The following GLI3 variants were observed in gnomAD, a reference collection of about 807,000 sequenced individuals.
GLI3 encodes the protein transcription activator GLI3.
GLI3 carries 20 observed loss-of-function variants against 100.8 expected under a neutral mutation model. The ratio of observed to expected loss-of-function variants is 0.20; its 90% confidence interval spans 0.14 to 0.29. GLI3 has a LOEUF of 0.29. Ranked by LOEUF, GLI3 falls within the 10% of genes least tolerant of loss-of-function variation. The pLI, the probability that GLI3 is intolerant of heterozygous loss-of-function variation, is 1.00. For synonymous variants in GLI3, 938 were observed against 860.5 expected (o/e 1.09, Z -1.58); for missense variants, 2,040 against 2,128.5 (o/e 0.96, Z 0.82).
chr7:41,972,439 T>A lies in GLI3; in HGVS notation c.2001A>T (p.Arg667=), dbSNP rs1271415259. 18 of 1,613,536 alleles carry A rather than the reference T, an allele frequency of 1.1e-5. No homozygotes were observed. The highest frequency in any genetic ancestry group is 1.5e-5 in the Non-Finnish European group (18 of 1,179,972). Residue 667 remains arginine, a synonymous_variant, in exon 13 of 15, where the codon CGA becomes CGT. Coordinates refer to ENST00000395925, the MANE Select transcript of GLI3 (RefSeq NM_000168.6). The surrounding 1 kb of genome is among the most constrained non-coding windows in gnomAD (Gnocchi z 4.4). ...GCTCACCAAGGGCTCCCTGAGTCGG[T>A]CGGCCAGGCGACCTGGACTGTGAAT... ...GSHSQSRSPG[R]PTQGALGEQQ... is the part of the protein sequence containing the mutation.
intron 3 of GLI3, chr7:42,113,522 G>A: frequency 8.7e-7 from 1 of 1,153,672 alleles, no homozygotes; most frequent in Non-Finnish European, 1.3e-6. Context: ...AGGGAAAAAG[G>A]GAAAAGCTGA....
intron 10 of GLI3, among the ~76,000 whole-genome samples, chr7:42,018,320 G>C (rs903948968): frequency 3.9e-5 from 6 of 152,246 alleles, no homozygotes; most frequent in African/African-American, 7.2e-5. Context: ...GGGAAAATAA[G>C]ATCAAAATCT....
upstream of GLI3, among the ~76,000 whole-genome samples, chr7:42,237,382 C>G (rs1788831220): frequency 6.6e-6 from 1 of 152,146 alleles, no homozygotes; most frequent in Non-Finnish European, 1.5e-5. Context: ...AACCCCCAGC[C>G]GTACGCCTCT....
intron 4 of GLI3, among the ~76,000 whole-genome samples, chr7:42,067,040 T>TA (rs1056023332): frequency 2.0e-5 from 3 of 152,074 alleles, no homozygotes; most frequent in African/African-American, 4.8e-5. Context: ...TGAAGATATA[T>TA]AAAAAAACAT....
At chr7:42,002,520 G>C (rs1401383787) in intron 10 of GLI3, among the ~76,000 whole-genome samples, 1 of 152,086 alleles carries the variant, frequency 6.6e-6, no homozygotes, top group Non-Finnish European at 1.5e-5. Flanking sequence ...GAAACAAGTA[G>C]AGACAAAATG....
At chr7:42,262,225 TTTCC>T (rs71006469) in intron 1 of GLI3, among the ~76,000 whole-genome samples, 4 of 118,700 alleles carry the variant, frequency 3.4e-5, no homozygotes, top group East Asian at 2.5e-4. Context: ...TCCTTCCTTC[TTTCC>T]TTCCTTCCTT....
At chr7:42,045,247 C>T in intron 6 of GLI3, 137 bp downstream of exon 6, 1 of 873,370 alleles carries the variant, frequency 1.1e-6, no homozygotes, top group Admixed American at 1.7e-5. Context: ...GGAACCAGAG[C>T]ACCAGATAGT....
At chr7:42,246,087 A>C (rs6463095) in intron 1 of GLI3, among the ~76,000 whole-genome samples, 1 of 151,884 alleles carries the variant, frequency 6.6e-6, no homozygotes. Flanking sequence ...AACTCTGAAA[A>C]ACCACTGTGC....
chr7:42,134,338 G>A (rs533946777), intron 3 of GLI3, among the ~76,000 whole-genome samples: 1 of 152,228 alleles, frequency 6.6e-6, no homozygotes, highest in African/African-American at 2.4e-5. Context: ...AACATCTAGC[G>A]TTAACGACCA....
upstream of GLI3, among the ~76,000 whole-genome samples, chr7:42,237,569 C>G (rs977124276): frequency 1.3e-5 from 2 of 151,808 alleles, no homozygotes; most frequent in Non-Finnish European, 2.9e-5. Context: ...CTCTCCTCCT[C>G]TTCCTCCTCC....
chr7:42,084,597 A>G (rs1468564583), intron 3 of GLI3, among the ~76,000 whole-genome samples: 1 of 152,230 alleles, frequency 6.6e-6, no homozygotes, highest in Non-Finnish European at 1.5e-5. Context: ...TGCCAGGATA[A>G]GAGAGAAGAA....
intron 1 of GLI3, among the ~76,000 whole-genome samples, chr7:42,224,554 C>T (rs1788548429): frequency 6.6e-6 from 1 of 152,154 alleles, no homozygotes; most frequent in Non-Finnish European, 1.5e-5. Flanking sequence ...TGAGATTATC[C>T]AGTGTCATTC....
chr7:42,213,899 G>T (rs916559526), intron 2 of GLI3, among the ~76,000 whole-genome samples: 1 of 152,222 alleles, frequency 6.6e-6, no homozygotes, highest in African/African-American at 2.4e-5. Flanking sequence ...GCACCCAAAC[G>T]GCTTTCAGCC....
In GLI3 at chr7:41,965,451, C is replaced by T. The variant is rs369440387; in HGVS notation, c.3622G>A (p.Gly1208Arg). ...VVHPQNPLRSGPAGGYQTLGE... is the reference protein window; with the variant it reads ...VVHPQNPLRSRPAGGYQTLGE... ...AGGGTCTGATAGCCCCCAGCAGGCC[C>T]GCTCCTCAAGGGGTTCTGCGGGTGG... is the stretch of plus-strand genomic sequence containing the variant. Residue 1208 changes from glycine (G) to arginine (R), a missense_variant, in exon 15 of 15, where the codon GGG (glycine) becomes AGG (arginine). By Grantham distance (125) the Gly-to-Arg change is moderately radical. Transcript: ENST00000395925. 1.8e-5 allele frequency: 29 copies of T among 1,607,922 alleles called. No homozygotes were observed. Among genetic ancestry groups the T allele is most frequent in the Middle Eastern group, 1.6e-4 (1 of 6,072 alleles).
At chr7:42,070,051 C>G (rs74392341) in intron 4 of GLI3, among the ~76,000 whole-genome samples, 1 of 152,122 alleles carries the variant, frequency 6.6e-6, no homozygotes, top group Non-Finnish European at 1.5e-5. Flanking sequence ...TTGGGTTTAC[C>G]GCTATAATCA....
chr7:42,017,901 TG>T (rs1217605606), intron 10 of GLI3, among the ~76,000 whole-genome samples: 4 of 152,240 alleles, frequency 2.6e-5, no homozygotes, highest in Non-Finnish European at 5.9e-5. Flanking sequence ...CTACTGCATG[TG>T]ATCTGTGCTT....
chr7:42,110,847 T>C (rs1256708232), intron 3 of GLI3, among the ~76,000 whole-genome samples: 1 of 152,206 alleles, frequency 6.6e-6, no homozygotes, highest in African/African-American at 2.4e-5. Flanking sequence ...TCAGTGATTG[T>C]CTGCCCCAAG....
chr7:42,084,376 G>A (rs539767740), intron 3 of GLI3, among the ~76,000 whole-genome samples: 235 of 152,238 alleles, frequency 1.5e-3, no homozygotes, highest in African/African-American at 5.3e-3. Flanking sequence ...AACTGATCTC[G>A]CCCCTTTCTG....
intron 3 of GLI3, among the ~76,000 whole-genome samples, chr7:42,094,874 G>A (rs952441037): frequency 3.9e-5 from 6 of 152,208 alleles, no homozygotes; most frequent in Admixed American, 3.3e-4. Flanking sequence ...GAAGCACGTG[G>A]ACTGAGGAGT....
Sources: allele counts gnomAD v4.1 joint callset (sites outside exome capture counted in the v4.1 genomes callset), GRCh38; gene constraint gnomAD v4.1.1; non-coding constraint Gnocchi (gnomAD v3.1); transcripts MANE v1.5; gene names NCBI Gene and HGNC (gene_info 2026-07-23, HGNC 2026-07-21).